The following CACNA1D variants were observed in gnomAD, a reference collection of about 807,000 sequenced individuals.
CACNA1D encodes the protein calcium voltage-gated channel subunit alpha1 D.
In CACNA1D, 55 loss-of-function variants were observed where a neutral mutation model predicts 257.1. The ratio of observed to expected loss-of-function variants is 0.21; its 90% CI spans 0.17 to 0.27. The LOEUF (loss-of-function observed/expected upper bound fraction) is 0.27, where lower values mean the gene tolerates loss of function less well. Ranked by LOEUF, CACNA1D falls within the 10% of genes least tolerant of loss-of-function variation. The pLI is 1.00. For synonymous variants in CACNA1D, 980 were observed against 1,014.9 expected, an observed-to-expected ratio of 0.97 and a Z score of 0.65; for missense variants, 1,876 against 2,784.0, an observed-to-expected ratio of 0.67 and a Z score of 7.34.
chr3:53,517,628 C>T (rs1002560861), intron 3 of CACNA1D, among the ~76,000 whole-genome samples: 6 of 152,020 alleles, frequency 3.9e-5, no homozygotes, highest in East Asian at 3.9e-4. Flanking sequence ...GGGCTACAGG[C>T]GTGCGCCACC....
At chr3:53,686,725 T>C (rs1282041129) in intron 8 of CACNA1D, among the ~76,000 whole-genome samples, 1 of 152,046 alleles carries the variant, frequency 6.6e-6, no homozygotes, top group African/African-American at 2.4e-5. Context: ...AAAGACTCAA[T>C]CTTTTCTTCT....
chr3:53,671,960 T>C (rs2094327451), intron 7 of CACNA1D, among the ~76,000 whole-genome samples: 1 of 152,250 alleles, frequency 6.6e-6, no homozygotes, highest in Admixed American at 6.5e-5. Flanking sequence ...GGTCATACCT[T>C]GGGCCATCCA....
intron 7 of CACNA1D, among the ~76,000 whole-genome samples, chr3:53,671,417 G>C (rs747454218): frequency 1.6e-4 from 24 of 152,214 alleles, no homozygotes; most frequent in Non-Finnish European, 3.2e-4. Flanking sequence ...TCTGTCTCAG[G>C]TGCTGACCCA....
chr3:53,513,152 C>G (rs532446015), intron 3 of CACNA1D, among the ~76,000 whole-genome samples: 134 of 152,286 alleles, frequency 8.8e-4, no homozygotes, highest in Middle Eastern at 3.4e-3. Flanking sequence ...TTGTTACTAG[C>G]TGACATTGGC....
intron 3 of CACNA1D, among the ~76,000 whole-genome samples, chr3:53,629,246 G>A (rs918126883): frequency 6.6e-6 from 1 of 152,224 alleles, no homozygotes; most frequent in Non-Finnish European, 1.5e-5. Context: ...TGTCACCGAT[G>A]GTTGAATTTA....
chr3:53,594,166 T>C (rs1247577626), intron 3 of CACNA1D, among the ~76,000 whole-genome samples: 2 of 152,142 alleles, frequency 1.3e-5, no homozygotes, highest in Admixed American at 6.5e-5. Flanking sequence ...CACCCATAAG[T>C]GTGAAGTCTG....
chr3:53,728,897 A>G (rs1048165989), intron 15 of CACNA1D, among the ~76,000 whole-genome samples: 8 of 152,178 alleles, frequency 5.3e-5, no homozygotes, highest in African/African-American at 1.9e-4. Flanking sequence ...GGTCTGAGTA[A>G]TGCCTCTCAA....
intron 3 of CACNA1D, among the ~76,000 whole-genome samples, chr3:53,601,309 A>G (rs1179701531): frequency 6.6e-6 from 1 of 152,222 alleles, no homozygotes; most frequent in Admixed American, 6.5e-5. Context: ...ATATGAAATT[A>G]CATTCTCATA....
intron 8 of CACNA1D, among the ~76,000 whole-genome samples, chr3:53,676,658 C>G (rs1342453201): frequency 1.3e-5 from 2 of 152,210 alleles, no homozygotes; most frequent in Non-Finnish European, 1.5e-5. Flanking sequence ...TCTGTTTTTG[C>G]TCCTTGGCTC....
At chr3:53,560,061 C>CTTTTT (rs34438908) in intron 3 of CACNA1D, among the ~76,000 whole-genome samples, 1 of 102,658 alleles carries the variant, frequency 9.7e-6, no homozygotes, top group African/African-American at 4.2e-5. Context: ...TTAGGAGTTC[C>CTTTTT]TTTTTTTTTT....
chr3:53,611,825 T>C (rs2093586234), intron 3 of CACNA1D, among the ~76,000 whole-genome samples: 1 of 152,230 alleles, frequency 6.6e-6, no homozygotes, highest in African/African-American at 2.4e-5. Context: ...TATTTTATGC[T>C]TTGTGGACCA....
At chr3:53,595,537 A>G (rs571900851) in intron 3 of CACNA1D, among the ~76,000 whole-genome samples, 5 of 152,244 alleles carry the variant, frequency 3.3e-5, no homozygotes, top group African/African-American at 1.2e-4. Context: ...GGCCCCGGGA[A>G]CTATTCAACA....
chr3:53,635,610 G>T (rs935464182), intron 3 of CACNA1D, among the ~76,000 whole-genome samples: 4 of 151,976 alleles, frequency 2.6e-5, no homozygotes, highest in Admixed American at 2.6e-4. Context: ...CTGGGTTTCA[G>T]CCTCTCCAGC....
intron 3 of CACNA1D, among the ~76,000 whole-genome samples, chr3:53,589,230 A>T (rs937997895): frequency 2.6e-5 from 4 of 152,204 alleles, no homozygotes; most frequent in Non-Finnish European, 2.9e-5. Flanking sequence ...ATATTTTAGG[A>T]CAGTGGTTGG....
chr3:53,616,732 C>G (rs2093641412), intron 3 of CACNA1D, among the ~76,000 whole-genome samples: 1 of 152,112 alleles, frequency 6.6e-6, no homozygotes, highest in Non-Finnish European at 1.5e-5. Context: ...GTGCCAGAGC[C>G]TATAGGAAAT....
At position 53,740,227 on chromosome 3, in the gene CACNA1D, T is replaced by C. The variant is rs1013122559; in HGVS notation, c.2752-53T>C. On this transcript the variant is annotated intron_variant, in intron 20 of 47. Transcript: ENST00000350061. The stretch of plus-strand genomic sequence containing the variant: ...GGGTTTCTGCCTGTAAGCATGCAGA[T>C]GTCAGAGTTTGTCTGAATTCCTTTT... 22 of 1,225,372 alleles carry C rather than the reference T, an allele frequency of 1.8e-5. No homozygotes were observed. The Admixed American group carries it at 2.9e-4, about 16-fold the overall frequency. The allele number at this position is 1,225,372 out of a possible 1,614,324, so 75.9% of individuals were successfully genotyped here.
chr3:53,567,101 A>G (rs577354532), intron 3 of CACNA1D, among the ~76,000 whole-genome samples: 1 of 152,254 alleles, frequency 6.6e-6, no homozygotes, highest in South Asian at 2.1e-4. Context: ...TCTTATGGAG[A>G]CGATAATCTT....
At chr3:53,762,199 C>G (rs1362028110) in intron 30 of CACNA1D, 118 bp downstream of exon 30, 1 of 754,014 alleles carries the variant, frequency 1.3e-6, no homozygotes. Context: ...GTCACTTGAT[C>G]TGAAACTAGG....
intron 3 of CACNA1D, among the ~76,000 whole-genome samples, chr3:53,615,834 C>T (rs2093630847): frequency 1.3e-5 from 2 of 152,218 alleles, no homozygotes; most frequent in Admixed American, 1.3e-4. Flanking sequence ...TCAGTTAGGG[C>T]AGCCACTTCT....
Sources: gnomAD v4.1 joint callset for allele counts (sites outside exome capture counted in the v4.1 genomes callset) on GRCh38, gnomAD v4.1.1 for gene constraint, MANE v1.5 for transcripts, NCBI Gene and HGNC (gene_info 2026-07-23, HGNC 2026-07-21) for gene names.